The following RBM6 variants were observed in gnomAD, a reference collection of about 807,000 sequenced individuals.
RBM6 encodes the protein RNA-binding protein 6.
RBM6 carries 23 observed loss-of-function variants against 140.4 expected under a neutral mutation model. That is an observed-to-expected ratio of 0.16 (90% CI 0.12 to 0.23). The LOEUF (loss-of-function observed/expected upper bound fraction) is 0.23. Among genes scored for constraint, RBM6 ranks in the 10% least tolerant of loss-of-function variants. The pLI, the probability that RBM6 is intolerant of heterozygous loss-of-function variation, is 1.00. For synonymous variants in RBM6, 439 were observed against 475.6 expected (o/e 0.92, Z 1.00); for missense variants, 1,139 against 1,386.7 (o/e 0.82, Z 2.84).
At chr3:50,042,687 G>T (rs2088994589) in intron 6 of RBM6, among the ~76,000 whole-genome samples, 1 of 152,096 alleles carries the variant, frequency 6.6e-6, no homozygotes, top group Admixed American at 6.6e-5. Flanking sequence ...AGTCAGTCAT[G>T]ATTGCACCAC....
At chr3:50,044,081 G>C (rs1010873096) in intron 6 of RBM6, among the ~76,000 whole-genome samples, 1 of 149,828 alleles carries the variant, frequency 6.7e-6, no homozygotes, top group African/African-American at 2.5e-5. Context: ...GGGTTTCACT[G>C]TGTTGCCCAG....
chr3:50,020,834 T>A (rs1339118013), intron 6 of RBM6, among the ~76,000 whole-genome samples: 1 of 152,166 alleles, frequency 6.6e-6, no homozygotes, highest in Non-Finnish European at 1.5e-5. Context: ...ACAGTGAAAA[T>A]ACAGTATTTC....
At chr3:50,001,486 A>G (rs1407837036) in intron 6 of RBM6, among the ~76,000 whole-genome samples, 8 of 152,150 alleles carry the variant, frequency 5.3e-5, no homozygotes, top group South Asian at 2.1e-4. Context: ...CTATTTATAT[A>G]GTCTTTATTA....
At chr3:50,032,978 T>G (rs1418638781) in intron 6 of RBM6, among the ~76,000 whole-genome samples, 1 of 135,734 alleles carries the variant, frequency 7.4e-6, no homozygotes, top group Non-Finnish European at 1.6e-5. Flanking sequence ...AGAGCAAAAC[T>G]CCATCTCAAA....
At chr3:49,981,315 C>T (rs755455866) in intron 5 of RBM6, among the ~76,000 whole-genome samples, 5 of 152,204 alleles carry the variant, frequency 3.3e-5, no homozygotes, top group Non-Finnish European at 5.9e-5. Context: ...GGACCATCAT[C>T]ATCTCTTTAC....
intron 7 of RBM6, among the ~76,000 whole-genome samples, chr3:50,050,282 G>A (rs931264633): frequency 6.6e-6 from 1 of 152,018 alleles, no homozygotes; most frequent in Non-Finnish European, 1.5e-5. Flanking sequence ...CCATGGATTT[G>A]CCTATTCCGG....
chr3:49,988,969 C>G (rs1248611323), intron 5 of RBM6, among the ~76,000 whole-genome samples: 1 of 151,922 alleles, frequency 6.6e-6, no homozygotes, highest in Non-Finnish European at 1.5e-5. Context: ...AAAAAATCTC[C>G]TTGTCCAGGA....
chr3:50,045,987 AG>A lies in RBM6; in HGVS notation c.1558-2254del, dbSNP rs567899843. Among the ~76,000 whole-genome samples the A allele has an allele frequency of 3.3e-5, 5 of 152,222 alleles. No individual in the cohort carries two copies. In the East Asian group the frequency reaches 9.6e-4, roughly 29 times the overall value. ...GTTATATCCTGTCTCTGGGCTTAGA[AG>A]GGGTTCATCTTAGGCCGGACACAGT... On this transcript the variant is annotated intron_variant, in intron 6 of 20. Transcript: ENST00000266022.
intron 4 of RBM6, among the ~76,000 whole-genome samples, chr3:49,972,379 T>C (rs1241572403): frequency 6.6e-6 from 1 of 152,208 alleles, no homozygotes; most frequent in Admixed American, 6.5e-5. Context: ...TTTCACCATT[T>C]ATACATGCAC....
chr3:50,073,844 G>A (rs1041148760), intron 19 of RBM6, among the ~76,000 whole-genome samples: 5 of 106,160 alleles, frequency 4.7e-5, no homozygotes, highest in Admixed American at 1.1e-4. Context: ...ACCCCATGCA[G>A]CCTTTTTTTT....
chr3:50,032,842 G>A (rs1279888145), intron 6 of RBM6, among the ~76,000 whole-genome samples: 3 of 151,108 alleles, frequency 2.0e-5, no homozygotes, highest in Non-Finnish European at 4.4e-5. Context: ...AAAATTAGCC[G>A]GGCATGGTGG....
At chr3:49,949,743 G>C (rs2083652294) in intron 1 of RBM6, among the ~76,000 whole-genome samples, 1 of 152,088 alleles carries the variant, frequency 6.6e-6, no homozygotes. Flanking sequence ...TTGATCTCCT[G>C]ACCTCGTGAT....
At chr3:49,980,023 C>T (rs1355559178) in intron 5 of RBM6, among the ~76,000 whole-genome samples, 2 of 150,506 alleles carry the variant, frequency 1.3e-5, no homozygotes, top group Admixed American at 1.3e-4. Context: ...TTTTTTTAAA[C>T]GGAGTCTCGT....
intron 5 of RBM6, among the ~76,000 whole-genome samples, chr3:49,985,179 A>G (rs2085501836): frequency 6.6e-6 from 1 of 152,258 alleles, no homozygotes; most frequent in African/African-American, 2.4e-5. Flanking sequence ...CTTCTGCTAC[A>G]GTGACAAGAA....
intron 5 of RBM6, among the ~76,000 whole-genome samples, chr3:49,984,090 G>A (rs972390318): frequency 4.6e-5 from 7 of 152,194 alleles, no homozygotes; most frequent in Admixed American, 4.6e-4. Context: ...TCAGGAGTTC[G>A]AGACCACCCT....
chr3:50,061,409 T>G, intron 13 of RBM6, 53 bp from the exon 14 acceptor site: 2 of 1,585,408 alleles, frequency 1.3e-6, no homozygotes, highest in Non-Finnish European at 1.7e-6. Context: ...GAGTCTCCAG[T>G]AAGGGCTTCA....
intron 1 of RBM6, among the ~76,000 whole-genome samples, chr3:49,952,983 A>C (rs1221106328): frequency 6.6e-6 from 1 of 152,032 alleles, no homozygotes; most frequent in East Asian, 1.9e-4. Flanking sequence ...CCTGGTCTTA[A>C]GTGATCCTCT....
At chr3:50,037,031 A>C (rs1239314198) in intron 6 of RBM6, among the ~76,000 whole-genome samples, 18 of 151,818 alleles carry the variant, frequency 1.2e-4, no homozygotes, top group Non-Finnish European at 2.9e-5. Flanking sequence ...TGATCCATCC[A>C]CCTTGGCCTC....
intron 1 of RBM6, among the ~76,000 whole-genome samples, chr3:49,948,827 AT>A (rs767843268): frequency 0.32 from 31,456 of 98,862 alleles, 3,473 homozygotes; most frequent in Non-Finnish European, 0.4. Flanking sequence ...TACATACCCA[AT>A]TTTTTTTTTT....
Sources: allele counts gnomAD v4.1 joint callset (sites outside exome capture counted in the v4.1 genomes callset), GRCh38; gene constraint gnomAD v4.1.1; transcripts MANE v1.5; gene names NCBI Gene and HGNC (gene_info 2026-07-23, HGNC 2026-07-21).